Variants in DNAJC25 observed in about 807,000 individuals in gnomAD.
DNAJC25 encodes DnaJ heat shock protein family (Hsp40) member C25.
DNAJC25 carries 26 observed loss-of-function variants against 42.1 expected under a neutral mutation model. The ratio of observed to expected loss-of-function variants is 0.62; its 90% CI spans 0.45 to 0.86. The LOEUF is 0.86. Among genes scored for constraint, DNAJC25 ranks in the 40% least tolerant of loss-of-function variants. DNAJC25 has a pLI of 0.00. For synonymous variants in DNAJC25, 189 were observed against 179.9 expected (o/e 1.05, Z -0.40); for missense variants, 404 against 459.4 (o/e 0.88, Z 1.10).
chr9:111,635,699 A>G (rs1830352814), intron 1 of DNAJC25, among the ~76,000 whole-genome samples: 1 of 152,226 alleles, frequency 6.6e-6, no homozygotes, highest in African/African-American at 2.4e-5. Context: ...GATCACAAGA[A>G]AAGAGCCTAG....
chr9:111,646,554 G>A (rs1830570906), intron 1 of DNAJC25, among the ~76,000 whole-genome samples: 1 of 152,178 alleles, frequency 6.6e-6, no homozygotes, highest in Non-Finnish European at 1.5e-5. Flanking sequence ...GAAGAAGGAG[G>A]AGGCTCAGAG....
intron 1 of DNAJC25, among the ~76,000 whole-genome samples, chr9:111,641,481 A>G: frequency 2.9e-5 from 2 of 69,352 alleles, no homozygotes; most frequent in Non-Finnish European, 2.6e-5. Flanking sequence ...CCTACTGGGA[A>G]GTGAGGAGCC....
chr9:111,649,902 C>G lies in DNAJC25; in HGVS notation c.939C>G (p.Leu313=). The change falls in exon 3 of 4, where the codon CTC becomes CTG. Residue 313 remains leucine (L), a synonymous_variant. Coordinates refer to ENST00000313525, the MANE Select transcript of DNAJC25 (RefSeq NM_001015882.3). ...AAGAAACTTTTCTTAAACGAGAGCT[C>G]TGGATCAAGGAGAATTATGAGGTGA... ...HQKETFLKRE[L]WIKENYEVYK... is the part of the protein sequence containing the mutation. 1.3e-6 allele frequency: 2 copies of G among 1,584,660 alleles called. No individual in the cohort carries two copies. Among genetic ancestry groups the G allele is most frequent in the Non-Finnish European group, 1.7e-6 (2 of 1,169,922 alleles).
intron 1 of DNAJC25, among the ~76,000 whole-genome samples, chr9:111,646,111 C>T (rs762049870): frequency 3.7e-4 from 57 of 152,248 alleles, no homozygotes; most frequent in African/African-American, 1.3e-3. Context: ...TTATTATACT[C>T]ATATATAGAG....
In DNAJC25 at chr9:111,649,524, A is replaced by G; in HGVS notation, c.561A>G (p.Gln187=). Residue 187 remains glutamine (Q), a synonymous_variant, in exon 3 of 4, where the codon CAA becomes CAG. Transcript: ENST00000313525. The part of the protein sequence containing the change: ...YLATVPKYRI[Q]ATEIAKQQGL... ...CCACAGTGCCCAAGTACCGTATCCA[A>G]GCTACAGAGATTGCCAAGCAGCAGG... The G allele has an allele frequency of 8.7e-6, 14 of 1,614,050 alleles. No homozygotes were observed. The highest frequency in any genetic ancestry group is 1.2e-5 in the Non-Finnish European group (14 of 1,179,986).
intron 1 of DNAJC25, among the ~76,000 whole-genome samples, chr9:111,632,689 CTT>C (rs11300589): frequency 0.16 from 23,600 of 146,432 alleles, 2,629 homozygotes; most frequent in East Asian, 0.5. Context: ...CTTTTCTAGC[CTT>C]TTTTTTTTTT....
Position 111,631,689 on chromosome 9 carries a change from G to A in DNAJC25, c.282G>A (p.Pro94=). 1 of 1,524,486 alleles carries A rather than the reference G, an allele frequency of 6.6e-7. No individual in the cohort carries two copies. Among genetic ancestry groups the A allele is most frequent in the Non-Finnish European group, 8.8e-7 (1 of 1,142,232 alleles). The allele number at this position is 1,524,486 out of a possible 1,614,324, so 94.4% of individuals were successfully genotyped here. The stretch of plus-strand genomic sequence containing the variant: ...GAGACGAGGGCCCCGGGCGGACGCC[G>A]CAGAGCGCCGAGGAGGCTTTCCTGC... ...QPGDEGPGRT[P]QSAEEAFLLV... Residue 94 remains proline (P), a synonymous_variant, in exon 1 of 4, where the codon CCG becomes CCA. Coordinates refer to ENST00000313525, the MANE Select transcript of DNAJC25 (RefSeq NM_001015882.3).
chr9:111,649,980 G>T, intron 3 of DNAJC25, 57 bp downstream of exon 3: 3 of 1,449,344 alleles, frequency 2.1e-6, no homozygotes, highest in South Asian at 1.5e-5. Flanking sequence ...GTTAAAATCA[G>T]GTGTATTATA....
chr9:111,644,152 G>T (rs1370635136), intron 1 of DNAJC25, among the ~76,000 whole-genome samples: 1 of 152,150 alleles, frequency 6.6e-6, no homozygotes, highest in African/African-American at 2.4e-5. Flanking sequence ...CCAAAACAGG[G>T]TCATAAATTT....
chr9:111,650,021 C>G (rs1020320225), intron 3 of DNAJC25, 98 bp downstream of exon 3: 43 of 1,145,962 alleles, frequency 3.8e-5, no homozygotes, highest in Admixed American at 1.0e-4. Flanking sequence ...GCTCACATTT[C>G]TGAAATCCTA....
intron 1 of DNAJC25, among the ~76,000 whole-genome samples, chr9:111,634,622 A>G (rs944017697): frequency 6.6e-6 from 1 of 152,200 alleles, no homozygotes; most frequent in African/African-American, 2.4e-5. Context: ...GAATGTTGAT[A>G]ATAAATGCAT....
intron 3 of DNAJC25, among the ~76,000 whole-genome samples, chr9:111,651,087 T>G (rs1830652104): frequency 6.6e-6 from 1 of 151,526 alleles, no homozygotes; most frequent in Non-Finnish European, 1.5e-5. Flanking sequence ...GCCAACATAG[T>G]GAAACCCTGT....
chr9:111,644,028 A>C (rs1030924557), intron 1 of DNAJC25, among the ~76,000 whole-genome samples: 2 of 152,232 alleles, frequency 1.3e-5, no homozygotes, highest in Non-Finnish European at 2.9e-5. Context: ...GTATGCATGA[A>C]AACTGATCAT....
At chr9:111,650,387 T>G (rs1830640883) in intron 3 of DNAJC25, among the ~76,000 whole-genome samples, 1 of 152,130 alleles carries the variant, frequency 6.6e-6, no homozygotes, top group African/African-American at 2.4e-5. Flanking sequence ...ATATTCTGCG[T>G]AATAACTGAC....
At chr9:111,650,105 C>T (rs552311275) in intron 3 of DNAJC25, among the ~76,000 whole-genome samples, 182 bp downstream of exon 3, 50 of 152,150 alleles carry the variant, frequency 3.3e-4, no homozygotes, top group African/African-American at 9.9e-4. Context: ...GGTTTTTAAC[C>T]TGTAATTTCT....
intron 3 of DNAJC25, among the ~76,000 whole-genome samples, chr9:111,652,392 C>T (rs571857215): frequency 6.6e-6 from 1 of 150,762 alleles, no homozygotes; most frequent in South Asian, 2.1e-4. Context: ...GTGGCATGCT[C>T]CTGTAGGCCC....
At chr9:111,648,479 A>G (rs1276697033) in intron 2 of DNAJC25, among the ~76,000 whole-genome samples, 1 of 151,118 alleles carries the variant, frequency 6.6e-6, no homozygotes, top group African/African-American at 2.4e-5. Flanking sequence ...CGTGTTGCCC[A>G]GGCTGGTCTC....
rs1260023693 is a variant in DNAJC25, at chr9:111,640,984, C to T, written c.337-6123C>T. ...CAGCCCCCCGCCTGGCCAGCCGTGC[C>T]GTCCGGGAGGGAGGTGGGGGGGTCA... On this transcript the variant is annotated intron_variant, in intron 1 of 3. Transcript: ENST00000313525. 2.8e-3 allele frequency among the ~76,000 whole-genome samples: 286 copies of T among 101,724 alleles called. 27 individuals are homozygous for T. Among genetic ancestry groups the T allele is most frequent in the Non-Finnish European group, 3.4e-3 (183 of 54,578 alleles). 66.7% of individuals were successfully genotyped at this position (101,724 alleles called of 152,430 possible).
intron 2 of DNAJC25, 85 bp downstream of exon 2, chr9:111,647,344 G>A (rs1196482088): frequency 2.1e-6 from 3 of 1,460,380 alleles, no homozygotes; most frequent in Non-Finnish European, 2.8e-6. Context: ...CTAACTGCGA[G>A]TATCTTCTTG....
Sources: allele counts gnomAD v4.1 joint callset (sites outside exome capture counted in the v4.1 genomes callset), GRCh38; gene constraint gnomAD v4.1.1; transcripts MANE v1.5; gene names NCBI Gene and HGNC (gene_info 2026-07-23, HGNC 2026-07-21).